CSMD1: variants seen among roughly 807,000 people sequenced by gnomAD.
The protein encoded by CSMD1 is CUB and Sushi multiple domains 1.
In CSMD1, 213 loss-of-function variants were observed where a neutral mutation model predicts 417.5. That is an observed-to-expected ratio of 0.51 (90% CI 0.46 to 0.57). The LOEUF (loss-of-function observed/expected upper bound fraction) is 0.57, where lower values mean the gene tolerates loss of function less well. CSMD1 is among the 20% of genes least tolerant of loss of function. CSMD1 has a pLI of 0.00. For synonymous variants in CSMD1, 2,862 were observed against 1,736.8 expected (o/e 1.65, Z -16.11); for missense variants, 6,923 against 4,529.7 (o/e 1.53, Z -15.17).
At chr8:3,323,870 A>G (rs374475958) in intron 23 of CSMD1, among the ~76,000 whole-genome samples, 1 of 146,238 alleles carries the variant, frequency 6.8e-6, no homozygotes, top group East Asian at 2.1e-4. Flanking sequence ...ACACCCAGAG[A>G]CCCAGGAGGG....
intron 33 of CSMD1, among the ~76,000 whole-genome samples, chr8:3,194,848 C>A (rs1024551200): frequency 1.3e-5 from 2 of 151,948 alleles, no homozygotes; most frequent in African/African-American, 4.8e-5. Context: ...GCCTTGAGCT[C>A]CTGAGCCTGG....
intron 5 of CSMD1, among the ~76,000 whole-genome samples, chr8:3,785,638 T>C (rs1799417558): frequency 1.3e-5 from 2 of 152,164 alleles, no homozygotes; most frequent in South Asian, 4.1e-4. Context: ...CCATCGAGTG[T>C]TTATTGAAGG....
intron 3 of CSMD1, among the ~76,000 whole-genome samples, chr8:4,084,686 T>A (rs1052175703): frequency 6.6e-6 from 1 of 151,890 alleles, no homozygotes; most frequent in Non-Finnish European, 1.5e-5. Context: ...GCACTAGCAA[T>A]AGAGGCATCA....
At chr8:3,238,091 G>C (rs1799268047) in intron 26 of CSMD1, among the ~76,000 whole-genome samples, 1 of 151,938 alleles carries the variant, frequency 6.6e-6, no homozygotes, top group African/African-American at 2.4e-5. Context: ...CGAAAAGAGA[G>C]TCACCGAAGG....
chr8:4,486,250 C>CATATATATATATATATACATACATAT (rs1563224296), intron 2 of CSMD1, among the ~76,000 whole-genome samples: 12 of 13,174 alleles, frequency 9.1e-4, no homozygotes, highest in South Asian at 7.1e-3. Context: ...TATATACATA[C>CATATATATATATATATACATACATAT]ATATATATAT....
At chr8:4,498,289 G>C (rs143189685) in intron 2 of CSMD1, among the ~76,000 whole-genome samples, 1 of 152,210 alleles carries the variant, frequency 6.6e-6, no homozygotes, top group African/African-American at 2.4e-5. Context: ...GGTTATTTGT[G>C]AGTGAGGTTG....
At chr8:2,984,486 T>A (rs1805694940) in intron 54 of CSMD1, among the ~76,000 whole-genome samples, 1 of 152,144 alleles carries the variant, frequency 6.6e-6, no homozygotes, top group South Asian at 2.1e-4. Context: ...ATAGCTGTGA[T>A]TACAGGCATC....
intron 2 of CSMD1, among the ~76,000 whole-genome samples, chr8:4,436,001 T>C (rs1242116825): frequency 2.0e-5 from 3 of 152,176 alleles, no homozygotes; most frequent in Non-Finnish European, 4.4e-5. Context: ...ACATATTGAA[T>C]TAACTTCATA....
intron 2 of CSMD1, among the ~76,000 whole-genome samples, chr8:4,517,226 C>A (rs1803173358): frequency 6.6e-6 from 1 of 152,034 alleles, no homozygotes; most frequent in African/African-American, 2.4e-5. Context: ...ACAATCAAGG[C>A]CTATACATAA....
intron 5 of CSMD1, among the ~76,000 whole-genome samples, chr8:3,876,122 A>C (rs1050890777): frequency 1.3e-5 from 2 of 152,186 alleles, no homozygotes; most frequent in Admixed American, 1.3e-4. Context: ...AAAATAAGTT[A>C]AAAAAGCAAG....
chr8:4,657,360 T>C (rs947879791), intron 1 of CSMD1, among the ~76,000 whole-genome samples: 1 of 152,152 alleles, frequency 6.6e-6, no homozygotes, highest in African/African-American at 2.4e-5. Flanking sequence ...CATTTTTGTT[T>C]TGTATTTCCT....
At chr8:4,744,092 G>A (rs2117018224) in intron 1 of CSMD1, among the ~76,000 whole-genome samples, 1 of 152,318 alleles carries the variant, frequency 6.6e-6, no homozygotes, top group Middle Eastern at 3.4e-3. Flanking sequence ...GCAGGTATGA[G>A]CAGGAGCTAA....
At chr8:3,522,273 A>G (rs1413071550) in intron 10 of CSMD1, among the ~76,000 whole-genome samples, 1 of 152,214 alleles carries the variant, frequency 6.6e-6, no homozygotes, top group Non-Finnish European at 1.5e-5. Context: ...TCCATTAAGC[A>G]ACAGCTTTTT....
intron 7 of CSMD1, among the ~76,000 whole-genome samples, chr8:3,675,569 T>C (rs73183342): frequency 6.6e-6 from 1 of 151,924 alleles, no homozygotes; most frequent in Non-Finnish European, 1.5e-5. Flanking sequence ...TGATTTGGTT[T>C]ACATGCAGAC....
chr8:3,182,403 C>A (rs1321345195), intron 36 of CSMD1, among the ~76,000 whole-genome samples: 2 of 152,004 alleles, frequency 1.3e-5, no homozygotes, highest in Admixed American at 1.3e-4. Context: ...TTAGTAGAGA[C>A]GGGATTTCAC....
chr8:3,041,378 CAT>C (rs1378223126), intron 50 of CSMD1, among the ~76,000 whole-genome samples: 1 of 152,230 alleles, frequency 6.6e-6, no homozygotes, highest in East Asian at 1.9e-4. Flanking sequence ...TGATCCCAAA[CAT>C]AAAGAATCCC....
At chr8:3,478,763 G>A (rs1268467779) in intron 11 of CSMD1, among the ~76,000 whole-genome samples, 1 of 152,112 alleles carries the variant, frequency 6.6e-6, no homozygotes, top group Non-Finnish European at 1.5e-5. Context: ...AACATCCAAG[G>A]AAGTCTTCAT....
rs553096178 is a variant in CSMD1, at chr8:4,215,845, G to A, written c.416-183746C>T. On this transcript the variant is annotated intron_variant, in intron 3 of 69. Coordinates refer to ENST00000635120, the MANE Select transcript of CSMD1 (RefSeq NM_033225.6). Reference sequence around the variant, plus strand: ...AAGAACACAGTGCATGGAAAAGGCAGGGTTTATGTGATTAATTCTATGATG... The same window carrying A: ...AAGAACACAGTGCATGGAAAAGGCAAGGTTTATGTGATTAATTCTATGATG... 2.0e-4 allele frequency among the ~76,000 whole-genome samples: 31 copies of A among 152,190 alleles called. 1 individual carries two copies. Among genetic ancestry groups the A allele is most frequent in the South Asian group, 6.2e-4 (3 of 4,808 alleles).
intron 1 of CSMD1, among the ~76,000 whole-genome samples, chr8:4,804,792 A>T (rs1376871062): frequency 6.6e-6 from 1 of 152,228 alleles, no homozygotes; most frequent in African/African-American, 2.4e-5. Flanking sequence ...GATACAATTT[A>T]TTCCTAGGGG....
Sources: allele counts gnomAD v4.1 joint callset (sites outside exome capture counted in the v4.1 genomes callset), GRCh38; gene constraint gnomAD v4.1.1; transcripts MANE v1.5; gene names NCBI Gene and HGNC (gene_info 2026-07-23, HGNC 2026-07-21).